The following GMEB2 variants were observed in gnomAD, a reference collection of about 807,000 sequenced individuals.
The protein encoded by GMEB2 is glucocorticoid modulatory element-binding protein 2.
In GMEB2, 7 loss-of-function variants were observed where a neutral mutation model predicts 45.7. The observed-to-expected ratio is 0.15, with a 90% CI of 0.09 to 0.29. GMEB2 has a LOEUF of 0.29. Ranked by LOEUF, GMEB2 falls within the 10% of genes least tolerant of loss-of-function variation. The pLI, the probability that GMEB2 is intolerant of heterozygous loss-of-function variation, is 1.00. For missense variants in GMEB2, 582 were observed against 739.2 expected, an observed-to-expected ratio of 0.79 and a Z score of 2.47; for synonymous variants, 322 against 323.6, an observed-to-expected ratio of 1.00 and a Z score of 0.05.
At position 63,587,683 on chromosome 20, in the gene GMEB2, G is replaced by C. The variant is rs2083106050; in HGVS notation, c.*2406C>G. On this transcript the variant is annotated 3_prime_UTR_variant, in exon 10 of 10. Transcript: ENST00000370077. Reference sequence around the variant, plus strand: ...AACATACAAAGCAAAACTCAAACATGGCCCTTCCCTAGGGCGCCTCTGAGC... The same window carrying C: ...AACATACAAAGCAAAACTCAAACATCGCCCTTCCCTAGGGCGCCTCTGAGC... 1 of 152,374 alleles carries C rather than the reference G, an allele frequency of 6.6e-6. No homozygotes were observed. Among genetic ancestry groups the C allele is most frequent in the South Asian group, 2.1e-4 (1 of 4,832 alleles). The allele number at this position is 152,374 out of a possible 1,614,324, so 9.4% of individuals were successfully genotyped here.
chr20:63,594,865 C>T (rs1474657910), intron 6 of GMEB2, among the ~76,000 whole-genome samples: 1 of 152,220 alleles, frequency 6.6e-6, no homozygotes, highest in Non-Finnish European at 1.5e-5. Flanking sequence ...TCTCCTGCCT[C>T]AGCCTCCTGA....
intron 2 of GMEB2, among the ~76,000 whole-genome samples, chr20:63,607,222 A>G (rs1601021573): frequency 7.0e-6 from 1 of 143,532 alleles, no homozygotes; most frequent in East Asian, 2.0e-4. Flanking sequence ...TTCTAGAAAC[A>G]TGCCCCTCTG....
chr20:63,591,120 AAGAG>A (rs919198458), intron 9 of GMEB2, among the ~76,000 whole-genome samples: 5 of 152,036 alleles, frequency 3.3e-5, no homozygotes, highest in Non-Finnish European at 7.4e-5. Context: ...GTGACATATT[AAGAG>A]AGAGAGGAGG....
In GMEB2 at chr20:63,589,038, C is replaced by A. The variant is rs750761922; in HGVS notation, c.*1051G>T. On this transcript the variant is annotated 3_prime_UTR_variant, in exon 10 of 10. Coordinates refer to ENST00000370077, the MANE Select transcript of GMEB2 (RefSeq NM_012384.5). ...GGACAGAGACCACCAAGGGCCAGCC[C>A]AGGGGCTGCATGGGGGCCGGGGGCC... 9 of 398,876 alleles carry A rather than the reference C, an allele frequency of 2.3e-5. No homozygotes were observed. Among genetic ancestry groups the A allele is most frequent in the Non-Finnish European group, 4.0e-5 (9 of 226,326 alleles). 24.7% of individuals were successfully genotyped at this position (398,876 alleles called of 1,614,324 possible).
At chr20:63,601,395 C>CT (rs1382734040) in intron 4 of GMEB2, among the ~76,000 whole-genome samples, 1 of 152,178 alleles carries the variant, frequency 6.6e-6, no homozygotes, top group African/African-American at 2.4e-5. Flanking sequence ...GAATAAATTG[C>CT]TTTATTTCTA....
chr20:63,591,032 G>T (rs2083142138), intron 9 of GMEB2, among the ~76,000 whole-genome samples: 1 of 152,098 alleles, frequency 6.6e-6, no homozygotes, highest in African/African-American at 2.4e-5. Flanking sequence ...ACTGACCCAG[G>T]GCCTGCGTGC....
In GMEB2 at chr20:63,604,755, C is replaced by T; in HGVS notation, c.217G>A (p.Glu73Lys). The T allele has an allele frequency of 1.2e-6, 2 of 1,602,790 alleles. 1 individual carries two copies. Among genetic ancestry groups the T allele is most frequent in the Middle Eastern group, 3.3e-4 (2 of 6,040 alleles). Residue 73 changes from glutamate to lysine, a missense_variant, in exon 3 of 10, where the codon GAA (glutamate) becomes AAA (lysine). Around this residue, in one of 3 missense-constraint regions of GMEB2, gnomAD observed 114 missense variants for 123.4 expected, o/e 0.92. Coordinates refer to ENST00000370077, the MANE Select transcript of GMEB2 (RefSeq NM_012384.5). The stretch of plus-strand genomic sequence containing the variant: ...GACGGCTTCCTACCTAACACGGCTT[C>T]CTTGAGCTGGGAGGAGGCTGTGAAG... ...AAFTASSQLK[E>K]AVLVKMAEEG... is the part of the protein sequence containing the mutation.
chr20:63,605,813 G>C (rs961333572), intron 2 of GMEB2, among the ~76,000 whole-genome samples: 1 of 152,118 alleles, frequency 6.6e-6, no homozygotes, highest in African/African-American at 2.4e-5. Context: ...AAATTAGCCA[G>C]GCGTGGTGGT....
At chr20:63,602,534 C>T (rs2083249154) in intron 4 of GMEB2, among the ~76,000 whole-genome samples, 1 of 152,252 alleles carries the variant, frequency 6.6e-6, no homozygotes, top group Non-Finnish European at 1.5e-5. Flanking sequence ...TCTTTCTTAG[C>T]CCGTGTGAGG....
chr20:63,590,232 C>T lies in GMEB2; in HGVS notation c.1450G>A (p.Gly484Ser). The T allele has an allele frequency of 6.2e-7, 1 of 1,611,594 alleles. No individual in the cohort carries two copies. ...PLQLLTLPGL[G>S]PTLQNVAQAS... The stretch of plus-strand genomic sequence containing the variant: ...TGGGCCACGTTCTGCAGGGTGGGGC[C>T]CAGGCCAGGCAACGTGAGCAGCTGT... Residue 484 changes from glycine (G) to serine (S), a missense_variant, in exon 10 of 10, where the codon GGC (glycine) becomes AGC (serine). Physicochemically the swap from Gly to Ser is moderately conservative, Grantham distance 56. Transcript: ENST00000370077.
intron 2 of GMEB2, among the ~76,000 whole-genome samples, chr20:63,617,340 G>C (rs1380969781): frequency 6.6e-6 from 1 of 152,154 alleles, no homozygotes; most frequent in African/African-American, 2.4e-5. Flanking sequence ...CCATCATGAG[G>C]ACACAGCAAG....
intron 2 of GMEB2, among the ~76,000 whole-genome samples, chr20:63,618,288 G>A (rs2089623182): frequency 6.6e-6 from 1 of 152,188 alleles, no homozygotes; most frequent in Non-Finnish European, 1.5e-5. Context: ...GATGAGACAG[G>A]GGAGGACAGG....
Position 63,590,001 on chromosome 20 carries a change from C to A in GMEB2, c.*88G>T. ...AGACCACGTGACCCACCTGCCCGAG[C>A]CAGCCCTGCGGCCTCTGCCCGCTCC... On this transcript the variant is annotated 3_prime_UTR_variant, in exon 10 of 10. Transcript: ENST00000370077. 1 of 1,225,346 alleles carries A rather than the reference C, an allele frequency of 8.2e-7. No individual in the cohort carries two copies. The highest frequency in any genetic ancestry group is 1.1e-6 in the Non-Finnish European group (1 of 912,872). The allele number at this position is 1,225,346 out of a possible 1,614,324, so 75.9% of individuals were successfully genotyped here.
chr20:63,595,813 G>T, intron 5 of GMEB2, 46 bp from the exon 6 acceptor site: 2 of 1,592,210 alleles, frequency 1.3e-6, no homozygotes, highest in Non-Finnish European at 1.7e-6. Flanking sequence ...CCCCAGAGCC[G>T]AAGGCACCTG....
At position 63,588,991 on chromosome 20, in the gene GMEB2, G is replaced by GA. The variant is rs557147720; in HGVS notation, c.*1097dup. The GA allele has an allele frequency of 1.5e-5, 6 of 398,892 alleles. No individual in the cohort carries two copies. In the South Asian group the frequency reaches 7.6e-4, roughly 51 times the overall value. The allele number at this position is 398,892 out of a possible 1,614,324, so 24.7% of individuals were successfully genotyped here. A position where few individuals can be genotyped will look rare whatever the true frequency, so the allele number is the denominator to read the frequency against. The stretch of plus-strand genomic sequence containing the variant: ...AGCAGCCCACCCGGGGCAGCCTCCT[G>GA]AACACCCAGGGGCTCTCCCTTGGAC... On this transcript the variant is annotated 3_prime_UTR_variant, in exon 10 of 10. Transcript: ENST00000370077.
intron 5 of GMEB2, 85 bp from the exon 6 acceptor site, chr20:63,595,852 C>T: frequency 7.8e-7 from 1 of 1,276,582 alleles, no homozygotes; most frequent in Non-Finnish European, 1.1e-6. Flanking sequence ...GGGCCATCCA[C>T]CTGCGTGGGG....
chr20:63,615,751 T>C (rs2089603899), intron 2 of GMEB2, among the ~76,000 whole-genome samples: 1 of 152,230 alleles, frequency 6.6e-6, no homozygotes, highest in Admixed American at 6.5e-5. Flanking sequence ...TGGGGTCTCA[T>C]GCTGGGAACG....
rs2083153148 is a variant in GMEB2, at chr20:63,592,204, A to G, written c.830-60T>C. On this transcript the variant is annotated intron_variant, in intron 8 of 9. Coordinates refer to ENST00000370077, the MANE Select transcript of GMEB2 (RefSeq NM_012384.5). This position sits in a 1 kb window ranked among gnomAD's most constrained non-coding sequence, Gnocchi z 8.2. ...AAGCCCTTCCTAGAGAGCCACGCGG[A>G]CGCTCGGTGAGAGCCCGGGACCTTC... 8 of 1,544,184 alleles carry G rather than the reference A, an allele frequency of 5.2e-6. No individual in the cohort carries two copies. The highest frequency in any genetic ancestry group is 5.3e-6 in the Non-Finnish European group (6 of 1,134,674).
In GMEB2 at chr20:63,589,811, A is replaced by G. The variant is rs1600999830; in HGVS notation, c.*278T>C. The G allele has an allele frequency of 2.1e-5, 7 of 334,824 alleles. No individual in the cohort carries two copies. The East Asian group carries it at 3.2e-4, about 15-fold the overall frequency. The allele number at this position is 334,824 out of a possible 1,614,324, so 20.7% of individuals were successfully genotyped here. ...CCACCTGGCTCCTGATCAAGGCCCA[A>G]TGTGTAAACAGTATTAATAAGCAAC... On this transcript the variant is annotated 3_prime_UTR_variant, in exon 10 of 10. Coordinates refer to ENST00000370077, the MANE Select transcript of GMEB2 (RefSeq NM_012384.5).
Sources: allele counts gnomAD v4.1 joint callset (sites outside exome capture counted in the v4.1 genomes callset), GRCh38; gene constraint gnomAD v4.1.1; regional missense constraint gnomAD v4.1.1; non-coding constraint Gnocchi (gnomAD v3.1); transcripts MANE v1.5; gene names NCBI Gene and HGNC (gene_info 2026-07-23, HGNC 2026-07-21).